Variants in SUGCT observed in about 807,000 individuals in gnomAD.
SUGCT encodes succinyl-CoA:glutarate-CoA transferase, also known as succinyl-CoA:glutarate CoA-transferase.
In SUGCT, 41 loss-of-function variants were observed where a neutral mutation model predicts 55.0. That is an observed-to-expected ratio of 0.74 (90% CI 0.58 to 0.97). The LOEUF (loss-of-function observed/expected upper bound fraction) is 0.97, where lower values mean the gene tolerates loss of function less well. SUGCT is among the 50% of genes least tolerant of loss of function. The probability of loss-of-function intolerance (pLI) is 0.00; values close to 1 mark genes in which losing one functional copy is unlikely to be tolerated. For synonymous variants in SUGCT, 187 were observed against 200.4 expected, an observed-to-expected ratio of 0.93 and a Z score of 0.56; for missense variants, 568 against 547.8, an observed-to-expected ratio of 1.04 and a Z score of -0.37.
intron 7 of SUGCT, among the ~76,000 whole-genome samples, chr7:40,249,333 A>ATATC (rs1790174694): frequency 8.3e-6 from 1 of 121,114 alleles, no homozygotes; most frequent in Admixed American, 8.5e-5. Flanking sequence ...ATATATATAT[A>ATATC]TATATATATA....
intron 7 of SUGCT, among the ~76,000 whole-genome samples, chr7:40,268,518 A>G (rs1223021640): frequency 6.6e-6 from 1 of 152,218 alleles, no homozygotes; most frequent in African/African-American, 2.4e-5. Flanking sequence ...CCATATGGCT[A>G]GTCCCCACGT....
rs959124695 is a variant in SUGCT, at chr7:40,250,541, A to G, written c.576+12815A>G. On this transcript the variant is annotated intron_variant, in intron 7 of 13. Coordinates refer to ENST00000335693, the MANE Select transcript of SUGCT (RefSeq NM_001193313.2). ...TTCCTAGTGTTAATAGTTGGTAAGC[A>G]TCAATGTTGACATCTGTTTATGCTT... Among the ~76,000 whole-genome samples, 3 of 152,274 alleles carry G rather than the reference A, an allele frequency of 2.0e-5. No homozygotes were observed. In the East Asian group the frequency reaches 5.8e-4, roughly 29 times the overall value.
chr7:40,367,065 C>G (rs1485716801), intron 9 of SUGCT, among the ~76,000 whole-genome samples: 3 of 152,018 alleles, frequency 2.0e-5, no homozygotes, highest in Non-Finnish European at 4.4e-5. Context: ...CACATATACA[C>G]CATGGAATAC....
At chr7:40,753,290 A>G (rs1788103740) in intron 13 of SUGCT, among the ~76,000 whole-genome samples, 1 of 152,184 alleles carries the variant, frequency 6.6e-6, no homozygotes, top group Admixed American at 6.6e-5. Context: ...CATAAATGCT[A>G]TAGACATAAC....
the SUGCT span, among the ~76,000 whole-genome samples, chr7:40,896,715 T>C: frequency 1.3e-5 from 2 of 152,182 alleles, no homozygotes; most frequent in South Asian, 4.1e-4. Flanking sequence ...TTAAATCTCT[T>C]TCCTTTATAA....
the SUGCT span, among the ~76,000 whole-genome samples, chr7:40,913,646 T>A: frequency 6.6e-6 from 1 of 152,180 alleles, no homozygotes; most frequent in Non-Finnish European, 1.5e-5. Flanking sequence ...CCATTCACTA[T>A]TTTGCATGCT....
chr7:40,926,061 A>C, the SUGCT span, among the ~76,000 whole-genome samples: 1 of 151,984 alleles, frequency 6.6e-6, no homozygotes, highest in Non-Finnish European at 1.5e-5. Context: ...TGATCACGCC[A>C]CTGCACTCCA....
intron 9 of SUGCT, among the ~76,000 whole-genome samples, chr7:40,376,579 A>T (rs774464100): frequency 6.6e-6 from 1 of 151,908 alleles, no homozygotes; most frequent in Non-Finnish European, 1.5e-5. Context: ...TTTAGTAGAG[A>T]TGGGGTTTCA....
intron 13 of SUGCT, among the ~76,000 whole-genome samples, chr7:40,829,240 A>G (rs1267615651): frequency 6.6e-6 from 1 of 152,230 alleles, no homozygotes; most frequent in Non-Finnish European, 1.5e-5. Flanking sequence ...GTATAAATAT[A>G]GCTAGCCAGC....
Position 40,635,293 on chromosome 7 carries a change from G to A in SUGCT, c.1090-114141G>A, listed in dbSNP as rs539340005. Among the ~76,000 whole-genome samples, 247 of 148,680 alleles carry A rather than the reference G, an allele frequency of 1.7e-3. 1 individual carries two copies. Among genetic ancestry groups the A allele is most frequent in the African/African-American group, 5.8e-3 (235 of 40,432 alleles). ...AGAGCAAGACTCTGTCTCCAAAAAA[G>A]AAAAAAACAAAAAACAAAACAAAAA... On this transcript the variant is annotated intron_variant, in intron 12 of 13. Transcript: ENST00000335693.
At chr7:40,719,230 ACTGT>A (rs1440655952) in intron 12 of SUGCT, among the ~76,000 whole-genome samples, 2 of 152,180 alleles carry the variant, frequency 1.3e-5, no homozygotes, top group Non-Finnish European at 2.9e-5. Context: ...TCTTTCTGAA[ACTGT>A]CTGGCCATTC....
intron 7 of SUGCT, among the ~76,000 whole-genome samples, chr7:40,270,967 ATTAC>A (rs1166935510): frequency 1.3e-5 from 2 of 151,902 alleles, no homozygotes; most frequent in Non-Finnish European, 2.9e-5. Flanking sequence ...TATAAATTGA[ATTAC>A]TTTCTTTATT....
At chr7:40,248,220 A>AGGCT (rs1465114908) in intron 7 of SUGCT, among the ~76,000 whole-genome samples, 1 of 152,044 alleles carries the variant, frequency 6.6e-6, no homozygotes, top group Admixed American at 6.6e-5. Flanking sequence ...CATGTTGGTC[A>AGGCT]GGCTGGTCTC....
chr7:40,970,159 C>A, the SUGCT span, among the ~76,000 whole-genome samples: 1 of 152,050 alleles, frequency 6.6e-6, no homozygotes, highest in Non-Finnish European at 1.5e-5. Flanking sequence ...TGTACTCAGG[C>A]TCTATGGTTT....
At chr7:40,918,671 GA>G in the SUGCT span, among the ~76,000 whole-genome samples, 1 of 152,038 alleles carries the variant, frequency 6.6e-6, no homozygotes, top group Non-Finnish European at 1.5e-5. Flanking sequence ...GAAGATGATC[GA>G]AATAAAAGGA....
At chr7:40,237,832 A>G in intron 7 of SUGCT, 106 bp downstream of exon 7, 1 of 822,424 alleles carries the variant, frequency 1.2e-6, no homozygotes, top group Non-Finnish European at 1.9e-6. Context: ...AGGTTGGGGC[A>G]AAAGTAATTG....
At chr7:40,894,462 C>T in the SUGCT span, among the ~76,000 whole-genome samples, 516 of 152,176 alleles carry the variant, frequency 3.4e-3, 2 homozygotes, top group African/African-American at 0.012. Context: ...CAAAAATTGA[C>T]AAATGGGATC....
At chr7:40,716,320 C>T (rs1305223310) in intron 12 of SUGCT, among the ~76,000 whole-genome samples, 2 of 152,278 alleles carry the variant, frequency 1.3e-5, no homozygotes, top group Middle Eastern at 3.4e-3. Context: ...GATCCTATTA[C>T]ATATAATGTG....
At chr7:40,565,979 ACACACACACACACG>A (rs1364390216) in intron 12 of SUGCT, among the ~76,000 whole-genome samples, 5,598 of 118,924 alleles carry the variant, frequency 0.047, 353 homozygotes, top group African/African-American at 0.16. Context: ...ACACACACAC[ACACACACACACACG>A]CACACACACA....
Sources: allele counts gnomAD v4.1 joint callset (sites outside exome capture counted in the v4.1 genomes callset), GRCh38; gene constraint gnomAD v4.1.1; transcripts MANE v1.5; gene names NCBI Gene and HGNC (gene_info 2026-07-23, HGNC 2026-07-21).